Variants in PRPSAP2 observed in about 807,000 individuals in gnomAD.
PRPSAP2 encodes the protein phosphoribosyl pyrophosphate synthetase associated protein 2, also known as phosphoribosyl pyrophosphate synthase-associated protein 2.
In PRPSAP2, 24 loss-of-function variants were observed where a neutral mutation model predicts 40.6. The ratio of observed to expected loss-of-function variants is 0.59; its 90% CI spans 0.43 to 0.83. The LOEUF is 0.83. Ranked by LOEUF, PRPSAP2 falls within the 40% of genes least tolerant of loss-of-function variation. The probability of loss-of-function intolerance (pLI) is 0.00; values close to 1 mark genes in which losing one functional copy is unlikely to be tolerated. For missense variants in PRPSAP2, 292 were observed against 465.6 expected (o/e 0.63, Z 3.43); for synonymous variants, 149 against 164.7 (o/e 0.90, Z 0.73).
chr17:18,917,577 TA>T (rs1488296608), intron 9 of PRPSAP2: 19 of 73,574 alleles, frequency 2.6e-4, no homozygotes, highest in Admixed American at 5.1e-4. Context: ...TTATTATTAT[TA>T]TTATTATTTT....
intron 5 of PRPSAP2, among the ~76,000 whole-genome samples, chr17:18,875,632 G>C (rs1353387238): frequency 6.6e-6 from 1 of 151,576 alleles, no homozygotes; most frequent in African/African-American, 2.4e-5. Flanking sequence ...GGGAGGCCGA[G>C]GCGGGCAGAT....
intron 9 of PRPSAP2, among the ~76,000 whole-genome samples, chr17:18,912,640 C>T (rs2041035984): frequency 6.6e-6 from 1 of 152,170 alleles, no homozygotes; most frequent in Admixed American, 6.6e-5. Flanking sequence ...TTCACTCTGA[C>T]GCACGTTTCT....
intron 7 of PRPSAP2, among the ~76,000 whole-genome samples, chr17:18,884,089 G>A (rs1411737536): frequency 3.9e-5 from 6 of 151,984 alleles, no homozygotes; most frequent in African/African-American, 1.4e-4. Context: ...CCAACATGGT[G>A]AAACCCCATC....
intron 4 of PRPSAP2, among the ~76,000 whole-genome samples, chr17:18,869,822 C>G (rs1374027311): frequency 5.8e-5 from 6 of 103,158 alleles, no homozygotes; most frequent in African/African-American, 2.4e-4. Flanking sequence ...ACAATCTGTT[C>G]CCATTTTGCT....
intron 9 of PRPSAP2, among the ~76,000 whole-genome samples, chr17:18,920,306 G>A (rs184665804): frequency 1.3e-5 from 2 of 152,272 alleles, no homozygotes; most frequent in Admixed American, 1.3e-4. Flanking sequence ...ACTCTGGACT[G>A]CAGACACTGA....
intron 6 of PRPSAP2, 45 bp from the exon 7 acceptor site, chr17:18,882,522 AC>A (rs1567694101): frequency 1.5e-5 from 20 of 1,318,098 alleles, no homozygotes; most frequent in Admixed American, 5.9e-5. Context: ...AAAAAAAAAA[AC>A]AAAAACAAAA....
intron 10 of PRPSAP2, among the ~76,000 whole-genome samples, chr17:18,927,800 G>C (rs2042048553): frequency 6.6e-6 from 1 of 151,946 alleles, no homozygotes; most frequent in Non-Finnish European, 1.5e-5. Flanking sequence ...TTTTTTTTGA[G>C]GTATGGTCTG....
intron 4 of PRPSAP2, 95 bp from the exon 5 acceptor site, chr17:18,872,488 T>G (rs1009197309): frequency 1.4e-5 from 13 of 925,542 alleles, no homozygotes; most frequent in Non-Finnish European, 2.2e-5. Flanking sequence ...GTTGCCATAT[T>G]CTATTACATT....
intron 8 of PRPSAP2, chr17:18,908,262 T>C: frequency 1.3e-6 from 1 of 763,710 alleles, no homozygotes; most frequent in Admixed American, 1.8e-5. Flanking sequence ...TCAGCCGAGC[T>C]GCCGCTTTCG....
chr17:18,871,290 T>A (rs7214754), intron 4 of PRPSAP2, among the ~76,000 whole-genome samples: 3 of 151,980 alleles, frequency 2.0e-5, no homozygotes, highest in Non-Finnish European at 4.4e-5. Context: ...AAAGTTCTGG[T>A]ATTACATGTG....
At chr17:18,873,582 C>G (rs535941222) in intron 5 of PRPSAP2, among the ~76,000 whole-genome samples, 1 of 152,250 alleles carries the variant, frequency 6.6e-6, no homozygotes, top group South Asian at 2.1e-4. Context: ...GTAAAACTTG[C>G]AAGGAAGCAT....
At chr17:18,926,777 A>AGTGTGTGT (rs71155377) in intron 10 of PRPSAP2, among the ~76,000 whole-genome samples, 51 of 148,320 alleles carry the variant, frequency 3.4e-4, no homozygotes, top group South Asian at 1.1e-3. Flanking sequence ...AGTGAGTGTG[A>AGTGTGTGT]GTGTGTGTGT....
At chr17:18,920,064 C>G (rs774734302) in intron 9 of PRPSAP2, among the ~76,000 whole-genome samples, 1 of 152,170 alleles carries the variant, frequency 6.6e-6, no homozygotes, top group Non-Finnish European at 1.5e-5. Flanking sequence ...CTTTCAGAAT[C>G]CTTGCCTGGC....
At chr17:18,915,891 C>G (rs1325498935) in intron 9 of PRPSAP2, among the ~76,000 whole-genome samples, 1 of 151,418 alleles carries the variant, frequency 6.6e-6, no homozygotes, top group Admixed American at 6.6e-5. Context: ...ACGATTTTGG[C>G]TCACTGCAAG....
chr17:18,892,534 A>AATTC (rs1440432892), intron 8 of PRPSAP2, among the ~76,000 whole-genome samples: 1 of 151,070 alleles, frequency 6.6e-6, no homozygotes, highest in Admixed American at 6.6e-5. Context: ...GTGGGTGTGA[A>AATTC]ATTCTACCTT....
At chr17:18,877,427 C>G (rs1259666432) in intron 5 of PRPSAP2, among the ~76,000 whole-genome samples, 1 of 152,098 alleles carries the variant, frequency 6.6e-6, no homozygotes, top group Non-Finnish European at 1.5e-5. Context: ...TGACTGATGA[C>G]TGAGGGCAGG....
intron 8 of PRPSAP2, among the ~76,000 whole-genome samples, chr17:18,890,915 G>C (rs775345463): frequency 6.6e-6 from 1 of 152,302 alleles, no homozygotes; most frequent in African/African-American, 2.4e-5. Flanking sequence ...AGTCAGTAGA[G>C]TGAGTTACAT....
chr17:18,930,528 T>C lies in PRPSAP2; in HGVS notation c.952-12T>C, dbSNP rs2042208214. ...TTTCTGATGCTGTGGTTTTTTTTCT[T>C]TTGCTTCACAGGTGGTGGTCACCAA... On this transcript the variant is annotated splice_polypyrimidine_tract_variant and intron_variant, in intron 11 of 11. Coordinates refer to ENST00000268835, the MANE Select transcript of PRPSAP2 (RefSeq NM_002767.4). 2.5e-6 allele frequency: 4 copies of C among 1,604,860 alleles called. No homozygotes were observed. Among genetic ancestry groups the C allele is most frequent in the African/African-American group, 1.3e-5 (1 of 74,322 alleles).
chr17:18,882,326 A>C (rs556230781), intron 6 of PRPSAP2, among the ~76,000 whole-genome samples: 12 of 151,648 alleles, frequency 7.9e-5, no homozygotes, highest in African/African-American at 2.9e-4. Flanking sequence ...AACCTGGCCA[A>C]TATGATGAAA....
Sources: gnomAD v4.1 joint callset for allele counts (sites outside exome capture counted in the v4.1 genomes callset) on GRCh38, gnomAD v4.1.1 for gene constraint, MANE v1.5 for transcripts, NCBI Gene and HGNC (gene_info 2026-07-23, HGNC 2026-07-21) for gene names.